Variants in OXR1 observed in about 807,000 individuals in gnomAD.
The protein encoded by OXR1 is oxidation resistance protein 1.
In OXR1, 41 loss-of-function variants were observed where a neutral mutation model predicts 104.6. The observed-to-expected ratio is 0.39, with a 90% CI of 0.31 to 0.51. The LOEUF is 0.51. Ranked by LOEUF, OXR1 falls within the 20% of genes least tolerant of loss-of-function variation. The pLI is 0.77. For missense variants in OXR1, 955 were observed against 1,031.9 expected, an observed-to-expected ratio of 0.93 and a Z score of 1.02; for synonymous variants, 348 against 348.4, an observed-to-expected ratio of 1.00 and a Z score of 0.01.
At chr8:106,323,006 G>T (rs190394807) in intron 1 of OXR1, among the ~76,000 whole-genome samples, 2 of 151,948 alleles carry the variant, frequency 1.3e-5, no homozygotes, top group African/African-American at 2.4e-5. Flanking sequence ...GACTACCAAT[G>T]ACATTCTTCA....
intron 2 of OXR1, among the ~76,000 whole-genome samples, chr8:106,518,559 T>G (rs1416365460): frequency 6.6e-6 from 1 of 152,208 alleles, no homozygotes; most frequent in Admixed American, 6.5e-5. Flanking sequence ...ATAATGATTT[T>G]ATTATTCTTT....
intron 3 of OXR1, among the ~76,000 whole-genome samples, chr8:106,636,748 G>GAAT (rs10640052): frequency 0.57 from 86,777 of 151,654 alleles, 25,266 homozygotes; most frequent in East Asian, 0.7. Context: ...TAAATGAGTA[G>GAAT]AATAGGATAG....
intron 2 of OXR1, among the ~76,000 whole-genome samples, chr8:106,432,927 G>A (rs1819418797): frequency 6.6e-6 from 1 of 152,060 alleles, no homozygotes; most frequent in African/African-American, 2.4e-5. Context: ...TGCATCTTGT[G>A]GCAATTTGCT....
At chr8:106,277,759 T>C (rs1199117468) in intron 1 of OXR1, among the ~76,000 whole-genome samples, 4 of 152,334 alleles carry the variant, frequency 2.6e-5, no homozygotes, top group Admixed American at 6.5e-5. Context: ...CAGAGCTTCA[T>C]GTTCCCAGGT....
At chr8:106,598,378 G>T (rs770089001) in intron 3 of OXR1, among the ~76,000 whole-genome samples, 10 of 152,046 alleles carry the variant, frequency 6.6e-5, no homozygotes, top group Non-Finnish European at 1.2e-4. Flanking sequence ...CCTTATCACA[G>T]CTCTATCACT....
intron 3 of OXR1, among the ~76,000 whole-genome samples, chr8:106,666,465 T>C (rs1466814831): frequency 6.6e-6 from 1 of 152,204 alleles, no homozygotes; most frequent in Non-Finnish European, 1.5e-5. Flanking sequence ...TATTTGATAA[T>C]ACTTCCTAAA....
intron 2 of OXR1, among the ~76,000 whole-genome samples, chr8:106,370,319 A>G (rs758775188): frequency 6.6e-6 from 1 of 152,156 alleles, no homozygotes; most frequent in Non-Finnish European, 1.5e-5. Flanking sequence ...AGGGTTTTCT[A>G]AATATAAAAT....
chr8:106,396,451 GA>G (rs1233200267), intron 2 of OXR1, among the ~76,000 whole-genome samples: 7 of 151,600 alleles, frequency 4.6e-5, no homozygotes, highest in Non-Finnish European at 7.4e-5. Flanking sequence ...CTAATTATGA[GA>G]AAAAAAATTA....
At chr8:106,400,534 T>A (rs1311565016) in intron 2 of OXR1, among the ~76,000 whole-genome samples, 1 of 149,012 alleles carries the variant, frequency 6.7e-6, no homozygotes, top group Non-Finnish European at 1.5e-5. Flanking sequence ...TTCAAAGGTA[T>A]TAAAATGCTG....
intron 12 of OXR1, among the ~76,000 whole-genome samples, chr8:106,737,870 C>A (rs1276144488): frequency 6.6e-6 from 1 of 152,102 alleles, no homozygotes; most frequent in African/African-American, 2.4e-5. Context: ...GAGGAGTTTT[C>A]ATTCATTTAA....
intron 15 of OXR1, among the ~76,000 whole-genome samples, chr8:106,745,432 A>G (rs1283739354): frequency 6.6e-6 from 1 of 152,224 alleles, no homozygotes; most frequent in African/African-American, 2.4e-5. Context: ...TAATGGTAAA[A>G]GTTAATGGCA....
chr8:106,496,905 C>T (rs138858077), intron 2 of OXR1, among the ~76,000 whole-genome samples: 7 of 152,174 alleles, frequency 4.6e-5, no homozygotes, highest in Admixed American at 1.3e-4. Context: ...CAATCTGTGA[C>T]GGAGGTAGAC....
At chr8:106,272,445 G>T (rs1315564721) in intron 1 of OXR1, 2 of 152,194 alleles carry the variant, frequency 1.3e-5, no homozygotes, top group African/African-American at 4.8e-5. Flanking sequence ...ATAACTAAAA[G>T]GTCCAGTCCC....
rs34364900 is a variant in OXR1, at chr8:106,523,777, A to ATT, written c.220+4652_220+4653dup. Among the ~76,000 whole-genome samples, 195 of 145,614 alleles carry ATT rather than the reference A, an allele frequency of 1.3e-3. 1 individual carries two copies. The East Asian group carries it at 0.017, about 13-fold the overall frequency. On this transcript the variant is annotated intron_variant, in intron 3 of 16. Coordinates refer to ENST00000517566, the MANE Select transcript of OXR1 (RefSeq NM_001198533.2). ...GTAAATAGAAGAAAATGGAGTGGAAATTTTTTTTTTTTTTTGAGACGGAGT... is the reference window on the plus strand; with the variant it reads ...GTAAATAGAAGAAAATGGAGTGGAAATTTTTTTTTTTTTTTTTGAGACGGAGT...
intron 2 of OXR1, among the ~76,000 whole-genome samples, chr8:106,429,859 T>C (rs886332244): frequency 6.6e-6 from 1 of 152,300 alleles, no homozygotes; most frequent in Admixed American, 6.5e-5. Flanking sequence ...AAAATTTAGG[T>C]CAAATTTATG....
chr8:106,696,858 A>G (rs1277913116), intron 7 of OXR1, among the ~76,000 whole-genome samples: 13 of 152,204 alleles, frequency 8.5e-5, no homozygotes. Context: ...AAGGGAATGG[A>G]AAATGAGAAG....
chr8:106,631,204 T>C lies in OXR1; in HGVS notation c.221-48006T>C, dbSNP rs142542733. Among the ~76,000 whole-genome samples the C allele has an allele frequency of 9.5e-3, 1,451 of 152,310 alleles. 27 individuals are homozygous for C. Among genetic ancestry groups the C allele is most frequent in the African/African-American group, 0.033 (1,351 of 41,554 alleles). ...GTTTGATCATTACTAATCCTCCTTA[T>C]ACCCTAGTTCCTTCCTTTATTTCCT... On this transcript the variant is annotated intron_variant, in intron 3 of 16. Transcript: ENST00000517566.
In OXR1 at chr8:106,518,986, T is replaced by C. The variant is rs999863880; in HGVS notation, c.67T>C (p.Phe23Leu). ...SQSVDINAPG[F>L]NPLAGAGKQT... Reference sequence around the variant, plus strand: ...GTCGGTGGATATTAATGCTCCAGGGTTCAACCCTTTGGCTGGTGCAGGAAA... The same window carrying C: ...GTCGGTGGATATTAATGCTCCAGGGCTCAACCCTTTGGCTGGTGCAGGAAA... Residue 23 changes from phenylalanine to leucine, a missense_variant, in exon 3 of 17, where the codon TTC (phenylalanine) becomes CTC (leucine). Coordinates refer to ENST00000517566, the MANE Select transcript of OXR1 (RefSeq NM_001198533.2). The C allele has an allele frequency of 2.6e-6, 4 of 1,551,392 alleles. No homozygotes were observed. In the Admixed American group the frequency reaches 5.9e-5, roughly 23 times the overall value.
chr8:106,299,723 A>T (rs1042201704), intron 1 of OXR1, among the ~76,000 whole-genome samples: 4 of 152,194 alleles, frequency 2.6e-5, no homozygotes, highest in African/African-American at 9.6e-5. Context: ...CTTATTGAGG[A>T]CTGACTTTGT....
Sources: gnomAD v4.1 joint callset for allele counts (sites outside exome capture counted in the v4.1 genomes callset) on GRCh38, gnomAD v4.1.1 for gene constraint, MANE v1.5 for transcripts, NCBI Gene and HGNC (gene_info 2026-07-23, HGNC 2026-07-21) for gene names.